The following DGKB variants were observed in gnomAD, a reference collection of about 807,000 sequenced individuals.
DGKB encodes the protein 90 kDa diacylglycerol kinase.
DGKB carries 67 observed loss-of-function variants against 114.3 expected under a neutral mutation model. The observed-to-expected ratio is 0.59, with a 90% CI of 0.48 to 0.72. The LOEUF (loss-of-function observed/expected upper bound fraction) is 0.72. DGKB is among the 30% of genes least tolerant of loss of function. DGKB has a pLI of 0.00. For synonymous variants in DGKB, 398 were observed against 323.1 expected, an observed-to-expected ratio of 1.23 and a Z score of -2.49; for missense variants, 907 against 975.2, an observed-to-expected ratio of 0.93 and a Z score of 0.93.
chr7:14,440,960 T>C (rs1309370275), intron 21 of DGKB, among the ~76,000 whole-genome samples: 1 of 152,154 alleles, frequency 6.6e-6, no homozygotes, highest in African/African-American at 2.4e-5. Context: ...TTTTTCCTAA[T>C]TGAAACCAGT....
intron 20 of DGKB, among the ~76,000 whole-genome samples, chr7:14,512,986 A>G (rs1397924728): frequency 6.6e-6 from 1 of 152,102 alleles, no homozygotes; most frequent in East Asian, 1.9e-4. Flanking sequence ...CTACATGTCA[A>G]GAACTGGGGC....
At chr7:14,712,710 G>C (rs1827575242) in intron 6 of DGKB, among the ~76,000 whole-genome samples, 1 of 151,608 alleles carries the variant, frequency 6.6e-6, no homozygotes, top group Non-Finnish European at 1.5e-5. Flanking sequence ...AAATAATTAA[G>C]TAAGAAAAAA....
chr7:14,642,767 T>C lies in DGKB; in HGVS notation c.1135-12499A>G, dbSNP rs1057514005. ...TTACTACATTTTATTTTGCTGCATATGGTATATTACATAAGCTGTTTTGAA... is the reference window on the plus strand; with the variant it reads ...TTACTACATTTTATTTTGCTGCATACGGTATATTACATAAGCTGTTTTGAA... On this transcript the variant is annotated intron_variant, in intron 13 of 25. Coordinates refer to ENST00000402815, the MANE Select transcript of DGKB (RefSeq NM_001350709.2). Among the ~76,000 whole-genome samples, 5 of 152,218 alleles carry C rather than the reference T, an allele frequency of 3.3e-5. 1 individual carries two copies. The highest frequency in any genetic ancestry group is 1.9e-4 in the East Asian group (1 of 5,198).
chr7:14,431,981 G>A (rs1218932000), intron 21 of DGKB, among the ~76,000 whole-genome samples: 1 of 152,092 alleles, frequency 6.6e-6, no homozygotes, highest in East Asian at 1.9e-4. Context: ...TTTGTTAGCT[G>A]TGAAAGACTA....
chr7:14,443,210 C>T (rs752002486), intron 21 of DGKB, among the ~76,000 whole-genome samples: 5 of 151,804 alleles, frequency 3.3e-5, no homozygotes, highest in South Asian at 2.1e-4. Context: ...TTCCTTTTAC[C>T]GGTTTGGAAG....
At chr7:14,879,650 C>G (rs1297454189) in intron 1 of DGKB, among the ~76,000 whole-genome samples, 1 of 152,280 alleles carries the variant, frequency 6.6e-6, no homozygotes, top group East Asian at 1.9e-4. Context: ...AAACCCTTTT[C>G]TTTGACCCAA....
intron 20 of DGKB, among the ~76,000 whole-genome samples, chr7:14,482,243 T>C (rs1401806522): frequency 2.0e-5 from 3 of 152,032 alleles, no homozygotes; most frequent in Non-Finnish European, 4.4e-5. Context: ...AAAATAAATG[T>C]TAACTATTAC....
At chr7:14,267,703 A>G (rs886292190) in intron 23 of DGKB, among the ~76,000 whole-genome samples, 5 of 151,850 alleles carry the variant, frequency 3.3e-5, no homozygotes, top group African/African-American at 4.8e-5. Flanking sequence ...GTTAGCCAGG[A>G]TGGTCTCGAT....
intron 1 of DGKB, among the ~76,000 whole-genome samples, chr7:14,933,103 CA>C (rs1785110406): frequency 6.6e-6 from 1 of 152,266 alleles, no homozygotes; most frequent in African/African-American, 2.4e-5. Flanking sequence ...TTTGTTGTCA[CA>C]GAGCATATTA....
At chr7:14,601,350 G>T (rs751764046) in intron 17 of DGKB, among the ~76,000 whole-genome samples, 5 of 152,008 alleles carry the variant, frequency 3.3e-5, no homozygotes, top group Admixed American at 1.3e-4. Flanking sequence ...GCCTGTGATG[G>T]GAGTGGCAGC....
At chr7:14,611,519 A>G (rs1805537085) in intron 16 of DGKB, among the ~76,000 whole-genome samples, 1 of 152,170 alleles carries the variant, frequency 6.6e-6, no homozygotes, top group Non-Finnish European at 1.5e-5. Context: ...CCTCTTATGC[A>G]GGCAGAAAAA....
intron 2 of DGKB, among the ~76,000 whole-genome samples, chr7:14,816,093 G>A (rs780408103): frequency 6.6e-6 from 1 of 152,148 alleles, no homozygotes; most frequent in Non-Finnish European, 1.5e-5. Context: ...CACTTTGGGA[G>A]GACGAGGCGG....
intron 23 of DGKB, among the ~76,000 whole-genome samples, chr7:14,279,580 C>T (rs993905951): frequency 1.3e-5 from 2 of 152,158 alleles, no homozygotes; most frequent in African/African-American, 2.4e-5. Flanking sequence ...TGAATATTGG[C>T]CCCCACTCTC....
rs1554599146 is a variant in DGKB, at chr7:14,689,206, T to TTATTTTTTTA, written c.712-3845_712-3844insTAAAAAAATA. ...GTGACAGAAACTCCTCTTATTTTTT[T>TTATTTTTTTA]TTTTTTTTTTTTTTTTTTGAGAGGA... On this transcript the variant is annotated intron_variant, in intron 9 of 25. Transcript: ENST00000402815. Among the ~76,000 whole-genome samples the TTATTTTTTTA allele has an allele frequency of 5.9e-3, 725 of 122,744 alleles. 17 individuals are homozygous for TTATTTTTTTA. Among genetic ancestry groups the TTATTTTTTTA allele is most frequent in the Middle Eastern group, 0.032 (8 of 250 alleles). The allele number at this position is 122,744 out of a possible 152,430, so 80.5% of individuals were successfully genotyped here. A position where few individuals can be genotyped will look rare whatever the true frequency, so the allele number is the denominator to read the frequency against.
At chr7:14,682,389 C>T (rs1266100522) in intron 12 of DGKB, among the ~76,000 whole-genome samples, 164 bp downstream of exon 12, 1 of 152,018 alleles carries the variant, frequency 6.6e-6, no homozygotes, top group East Asian at 1.9e-4. Flanking sequence ...CAAATCTGAC[C>T]CTGAGCCTAT....
At chr7:14,734,717 T>C (rs1031092315) in intron 5 of DGKB, among the ~76,000 whole-genome samples, 13 of 152,260 alleles carry the variant, frequency 8.5e-5, no homozygotes, top group African/African-American at 3.1e-4. Flanking sequence ...TGTTAACAGG[T>C]AGTGGTTTGA....
At position 14,624,981 on chromosome 7, in the gene DGKB, G is replaced by C. The variant is rs1251222054; in HGVS notation, c.1168-3487C>G. ...CCACTGAACTCCATCCTGAGAGACAGAGTGAGACTCTGTCTCAATAAATAA... is the reference window on the plus strand; with the variant it reads ...CCACTGAACTCCATCCTGAGAGACACAGTGAGACTCTGTCTCAATAAATAA... On this transcript the variant is annotated intron_variant, in intron 14 of 25. Transcript: ENST00000402815. Among the ~76,000 whole-genome samples the C allele has an allele frequency of 2.6e-5, 4 of 152,018 alleles. No individual in the cohort carries two copies. The East Asian group carries it at 5.8e-4, about 22-fold the overall frequency.
chr7:14,769,109 GAA>G (rs1562487288), intron 2 of DGKB, among the ~76,000 whole-genome samples: 17 of 112,028 alleles, frequency 1.5e-4, no homozygotes, highest in South Asian at 2.9e-4. Flanking sequence ...AAGAAAGAAA[GAA>G]AGAAAGAAAG....
At chr7:14,738,079 T>G in intron 4 of DGKB, among the ~76,000 whole-genome samples, 1 of 152,146 alleles carries the variant, frequency 6.6e-6, no homozygotes. Context: ...CAGTCAGACA[T>G]GGGATCCAAA....
Sources: allele counts gnomAD v4.1 joint callset (sites outside exome capture counted in the v4.1 genomes callset), GRCh38; gene constraint gnomAD v4.1.1; transcripts MANE v1.5; gene names NCBI Gene and HGNC (gene_info 2026-07-23, HGNC 2026-07-21).